CSMD1: variants seen among roughly 807,000 people sequenced by gnomAD.
The protein encoded by CSMD1 is CUB and sushi domain-containing protein 1.
In CSMD1, 213 loss-of-function variants were observed where a neutral mutation model predicts 417.5. The observed-to-expected ratio is 0.51, with a 90% CI of 0.46 to 0.57. CSMD1 has a LOEUF of 0.57. CSMD1 is among the 20% of genes least tolerant of loss of function. CSMD1 has a pLI of 0.00. For missense variants in CSMD1, 6,923 were observed against 4,529.7 expected (o/e 1.53, Z -15.17); for synonymous variants, 2,862 against 1,736.8 (o/e 1.65, Z -16.11).
chr8:3,035,090 G>GT (rs1810585460), intron 50 of CSMD1, among the ~76,000 whole-genome samples: 5 of 152,160 alleles, frequency 3.3e-5, no homozygotes, highest in Non-Finnish European at 5.9e-5. Context: ...AACAGCCTGA[G>GT]TACCTCTGTG....
intron 3 of CSMD1, among the ~76,000 whole-genome samples, chr8:4,103,705 C>T (rs933105145): frequency 6.6e-6 from 1 of 152,118 alleles, no homozygotes; most frequent in Middle Eastern, 3.4e-3. Context: ...TGCTTAAAAC[C>T]CATGATAAGA....
chr8:3,976,461 T>C (rs1412229222), intron 5 of CSMD1, among the ~76,000 whole-genome samples: 1 of 152,140 alleles, frequency 6.6e-6, no homozygotes, highest in Non-Finnish European at 1.5e-5. Flanking sequence ...AATTCAGCTG[T>C]CTCCCGGGTC....
chr8:4,711,640 G>C (rs538975359), intron 1 of CSMD1, among the ~76,000 whole-genome samples: 2 of 147,822 alleles, frequency 1.4e-5, no homozygotes, highest in Non-Finnish European at 3.0e-5. Flanking sequence ...AGTCGGAAAA[G>C]CCAGGAATAC....
At chr8:3,294,407 C>T (rs781053753) in intron 25 of CSMD1, among the ~76,000 whole-genome samples, 9 of 152,198 alleles carry the variant, frequency 5.9e-5, no homozygotes, top group East Asian at 1.9e-4. Flanking sequence ...TTGGTCTGTG[C>T]CCTGCCTGCA....
At chr8:3,610,176 C>T (rs147221553) in intron 8 of CSMD1, among the ~76,000 whole-genome samples, 1 of 152,050 alleles carries the variant, frequency 6.6e-6, no homozygotes, top group South Asian at 2.1e-4. Context: ...TGGCTGTAGT[C>T]CAGCAGCTTC....
intron 56 of CSMD1, 71 bp downstream of exon 56, chr8:2,974,380 T>C: frequency 7.6e-7 from 1 of 1,320,780 alleles, no homozygotes; most frequent in Non-Finnish European, 1.0e-6. Context: ...TAAATCATCA[T>C]TATTTGAAAT....
chr8:3,147,319 T>C (rs1563085961), intron 40 of CSMD1, among the ~76,000 whole-genome samples: 2 of 152,250 alleles, frequency 1.3e-5, no homozygotes, highest in Admixed American at 6.5e-5. Context: ...AATCTCATGA[T>C]TTCTACATTT....
chr8:3,493,518 C>T, intron 11 of CSMD1, 105 bp downstream of exon 11: 2 of 900,228 alleles, frequency 2.2e-6, no homozygotes, highest in East Asian at 5.3e-5. Flanking sequence ...TGGCACTAAG[C>T]AAACACCTGA....
intron 18 of CSMD1, among the ~76,000 whole-genome samples, chr8:3,381,153 C>T (rs1048270289): frequency 6.6e-6 from 1 of 152,014 alleles, no homozygotes; most frequent in African/African-American, 2.4e-5. Flanking sequence ...GTTCACCCAT[C>T]ACCTTACATT....
At chr8:4,104,909 G>A (rs916967137) in intron 3 of CSMD1, among the ~76,000 whole-genome samples, 3 of 151,854 alleles carry the variant, frequency 2.0e-5, no homozygotes, top group Non-Finnish European at 4.4e-5. Context: ...CAATCCCACT[G>A]TGAGTGAGAA....
chr8:3,451,809 G>C (rs1296420854), intron 12 of CSMD1, among the ~76,000 whole-genome samples: 4 of 152,058 alleles, frequency 2.6e-5, no homozygotes, highest in Non-Finnish European at 5.9e-5. Context: ...GCTCTTTTTT[G>C]GTTCCATATG....
chr8:3,754,283 T>C (rs1797531758), intron 5 of CSMD1, among the ~76,000 whole-genome samples: 1 of 152,174 alleles, frequency 6.6e-6, no homozygotes, highest in South Asian at 2.1e-4. Context: ...ACTTTCATTC[T>C]CCTTTATTAA....
chr8:3,276,067 C>A (rs1462382253), intron 26 of CSMD1, among the ~76,000 whole-genome samples: 1 of 152,126 alleles, frequency 6.6e-6, no homozygotes, highest in African/African-American at 2.4e-5. Flanking sequence ...GTTTTATCTA[C>A]TTTTGGTCTT....
At chr8:3,773,151 G>C (rs1008658815) in intron 5 of CSMD1, among the ~76,000 whole-genome samples, 2 of 152,136 alleles carry the variant, frequency 1.3e-5, no homozygotes, top group African/African-American at 2.4e-5. Context: ...CCTTCTAATA[G>C]CATTAGGATT....
At chr8:4,613,256 CAG>C (rs879788796) in intron 2 of CSMD1, among the ~76,000 whole-genome samples, 1 of 152,154 alleles carries the variant, frequency 6.6e-6, no homozygotes, top group Non-Finnish European at 1.5e-5. Flanking sequence ...ATTTAAATGA[CAG>C]AGTGATGAGC....
rs901393525 is a variant in CSMD1, at chr8:3,142,672, C to T, written c.6034G>A (p.Ala2012Thr). 5 of 1,609,732 alleles carry T rather than the reference C, an allele frequency of 3.1e-6. No homozygotes were observed. The East Asian group carries it at 8.9e-5, about 29-fold the overall frequency. The change falls in exon 41 of 70, where the codon GCA becomes ACA. Residue 2012 changes from alanine to threonine, a missense_variant and splice_region_variant. Physicochemically the swap from Ala to Thr is moderately conservative, Grantham distance 58. Coordinates refer to ENST00000635120, the MANE Select transcript of CSMD1 (RefSeq NM_033225.6). Reference protein sequence around the residue: ...WRISLPIGYGAHIQFLNFSTE... With the variant: ...WRISLPIGYGTHIQFLNFSTE... Reference sequence around the variant, plus strand: ...GAAAAATTCAGAAACTGAATATGTGCACCTATGGAAAAACATGCAAACTTA... The same window carrying T: ...GAAAAATTCAGAAACTGAATATGTGTACCTATGGAAAAACATGCAAACTTA...
chr8:3,032,462 T>G (rs1004485493), intron 50 of CSMD1, among the ~76,000 whole-genome samples: 3 of 152,026 alleles, frequency 2.0e-5, no homozygotes, highest in African/African-American at 4.8e-5. Context: ...TGATTTGCTG[T>G]GGTCAATAAG....
intron 2 of CSMD1, among the ~76,000 whole-genome samples, chr8:4,434,807 C>G (rs894038464): frequency 6.6e-6 from 1 of 152,136 alleles, no homozygotes; most frequent in Non-Finnish European, 1.5e-5. Context: ...GCCCATGAAG[C>G]CCTACTTCAC....
intron 2 of CSMD1, among the ~76,000 whole-genome samples, chr8:4,437,281 G>A (rs749781456): frequency 2.6e-4 from 39 of 152,124 alleles, no homozygotes; most frequent in Non-Finnish European, 5.3e-4. Flanking sequence ...TTCCTTTTAA[G>A]TAACTGAAAT....
Sources: gnomAD v4.1 joint callset for allele counts (sites outside exome capture counted in the v4.1 genomes callset) on GRCh38, gnomAD v4.1.1 for gene constraint, MANE v1.5 for transcripts, NCBI Gene and HGNC (gene_info 2026-07-23, HGNC 2026-07-21) for gene names.